SLC36A3: variants seen among roughly 807,000 people sequenced by gnomAD.
SLC36A3 encodes the protein proton-coupled amino acid transporter 3.
Under a neutral mutation model 44.3 loss-of-function variants are expected in SLC36A3, and 35 were observed. That is an observed-to-expected ratio of 0.79 (90% confidence interval 0.60 to 1.05). SLC36A3 has a LOEUF of 1.05. Ranked by LOEUF, SLC36A3 falls within the 50% of genes least tolerant of loss-of-function variation. The probability of loss-of-function intolerance (pLI) is 0.00; values close to 1 mark genes in which losing one functional copy is unlikely to be tolerated. For synonymous variants in SLC36A3, 211 were observed against 227.6 expected, an observed-to-expected ratio of 0.93 and a Z score of 0.66; for missense variants, 540 against 578.7, an observed-to-expected ratio of 0.93 and a Z score of 0.69.
intron 3 of SLC36A3, 136 bp downstream of exon 3, chr5:151,296,044 T>C (rs1754946669): frequency 1.3e-6 from 1 of 781,570 alleles, no homozygotes; most frequent in Non-Finnish European, 2.2e-6. Flanking sequence ...ATGCTCTCCT[T>C]GCCTTCATAG....
At chr5:151,288,766 T>C (rs1754644386) in intron 4 of SLC36A3, among the ~76,000 whole-genome samples, 2 of 151,514 alleles carry the variant, frequency 1.3e-5, no homozygotes, top group South Asian at 4.2e-4. Flanking sequence ...CACACACACA[T>C]ACACACGCAA....
At chr5:151,278,234 A>T (rs529090577) in intron 9 of SLC36A3, among the ~76,000 whole-genome samples, 1 of 150,952 alleles carries the variant, frequency 6.6e-6, no homozygotes, top group Admixed American at 6.6e-5. Context: ...TTATTTTTCT[A>T]TTCTTAATAG....
chr5:151,296,609 C>T (rs1187193539), intron 2 of SLC36A3: 4 of 316,270 alleles, frequency 1.3e-5, no homozygotes, highest in Non-Finnish European at 1.8e-5. Context: ...CCCTCACTTC[C>T]TCCAAGATGA....
At chr5:151,282,794 A>C (rs1754371615) in intron 8 of SLC36A3, among the ~76,000 whole-genome samples, 1 of 151,970 alleles carries the variant, frequency 6.6e-6, no homozygotes, top group African/African-American at 2.4e-5. Context: ...CTGCTTTCCC[A>C]TGTCCTTGCC....
chr5:151,288,467 G>T lies in SLC36A3; in HGVS notation c.408C>A (p.Tyr136Ter). 6.4e-7 allele frequency: 1 copy of T among 1,559,770 alleles called. No homozygotes were observed. Among genetic ancestry groups the T allele is most frequent in the East Asian group, 2.4e-5 (1 of 42,134 alleles). ...WLRAHAVWGR[Y>*]TVSFLLVITQ... Reference sequence around the variant, plus strand: ...TGATGACTAATAAGAAGCTGACAGTGTACCTGGGAAGGAAAGGAAGAGGCA... The same window carrying T: ...TGATGACTAATAAGAAGCTGACAGTTTACCTGGGAAGGAAAGGAAGAGGCA... The change falls in exon 5 of 10, where the codon TAC (tyrosine) becomes TAA (stop). Residue 136 changes from tyrosine to a stop codon, truncating the protein, a stop_gained. Coordinates refer to ENST00000335230, the MANE Select transcript of SLC36A3 (RefSeq NM_181774.4). LOFTEE classifies it high-confidence loss of function.
intron 5 of SLC36A3, among the ~76,000 whole-genome samples, chr5:151,288,134 C>G (rs543774384): frequency 6.6e-6 from 1 of 152,302 alleles, no homozygotes; most frequent in Admixed American, 6.5e-5. Flanking sequence ...TAACAATTAT[C>G]ATTGATTTCT....
At chr5:151,296,111 G>T in intron 3 of SLC36A3, 69 bp downstream of exon 3, 7 of 1,470,104 alleles carry the variant, frequency 4.8e-6, no homozygotes, top group Non-Finnish European at 6.7e-6. Context: ...TGGGTCAGTG[G>T]TCAAAAGAAG....
intron 8 of SLC36A3, among the ~76,000 whole-genome samples, chr5:151,281,551 C>T (rs569925657): frequency 6.6e-6 from 1 of 152,290 alleles, no homozygotes; most frequent in South Asian, 2.1e-4. Flanking sequence ...GGCGTGGTGG[C>T]TCACGCTTGT....
intron 4 of SLC36A3, among the ~76,000 whole-genome samples, chr5:151,290,427 T>A (rs970006464): frequency 3.3e-5 from 5 of 152,196 alleles, no homozygotes; most frequent in South Asian, 2.1e-4. Flanking sequence ...AATAATTTAA[T>A]GAATATAACG....
At position 151,281,186 on chromosome 5, in the gene SLC36A3, G is replaced by T. The variant is rs959557926; in HGVS notation, c.975-3C>A. On this transcript the variant is annotated splice_polypyrimidine_tract_variant and splice_region_variant and intron_variant, in intron 8 of 9. Coordinates refer to ENST00000335230, the MANE Select transcript of SLC36A3 (RefSeq NM_181774.4). Reference sequence around the variant, plus strand: ...TCAGCTTGACTGACTGGTACAACCTGCAGACACATGAATTGGATGTGAAAG... The same window carrying T: ...TCAGCTTGACTGACTGGTACAACCTTCAGACACATGAATTGGATGTGAAAG... 1.2e-6 allele frequency: 2 copies of T among 1,602,798 alleles called. No homozygotes were observed. Among genetic ancestry groups the T allele is most frequent in the East Asian group, 2.2e-5 (1 of 44,724 alleles).
chr5:151,300,380 G>C (rs1580828321), intron 1 of SLC36A3, among the ~76,000 whole-genome samples: 1 of 152,232 alleles, frequency 6.6e-6, no homozygotes, highest in Non-Finnish European at 1.5e-5. Context: ...GAAGTCTATT[G>C]ACCTAACTTC....
intron 4 of SLC36A3, chr5:151,288,857 A>C (rs929141580): frequency 4.6e-5 from 7 of 152,510 alleles, no homozygotes; most frequent in Admixed American, 2.0e-4. Context: ...TCAGGAGTTC[A>C]AGACCAACCT....
chr5:151,296,464 C>T, intron 2 of SLC36A3, 196 bp from the exon 3 acceptor site: 1 of 606,466 alleles, frequency 1.6e-6, no homozygotes, highest in Non-Finnish European at 3.0e-6. Flanking sequence ...AGTGGCTGCC[C>T]AACTTCTGCT....
intron 8 of SLC36A3, among the ~76,000 whole-genome samples, chr5:151,282,583 A>C (rs959560716): frequency 8.5e-5 from 13 of 152,252 alleles, no homozygotes; most frequent in Non-Finnish European, 1.9e-4. Context: ...TTTAAAAATC[A>C]GTCACCAATT....
At chr5:151,300,846 AT>A (rs1199462223) in intron 1 of SLC36A3, among the ~76,000 whole-genome samples, 1 of 152,202 alleles carries the variant, frequency 6.6e-6, no homozygotes, top group Non-Finnish European at 1.5e-5. Context: ...GGGCATCTTT[AT>A]TTGCTCTAAA....
At chr5:151,295,074 A>G (rs1382609379) in intron 3 of SLC36A3, among the ~76,000 whole-genome samples, 1 of 152,190 alleles carries the variant, frequency 6.6e-6, no homozygotes, top group Non-Finnish European at 1.5e-5. Context: ...GAGAAAAAAA[A>G]AAAATCAGAG....
At chr5:151,285,968 T>A (rs1373633348) in intron 6 of SLC36A3, among the ~76,000 whole-genome samples, 1 of 145,982 alleles carries the variant, frequency 6.9e-6, no homozygotes, top group African/African-American at 2.7e-5. Context: ...GAAAATAAAT[T>A]TGTGTTTTTT....
chr5:151,291,789 C>G (rs749302558), intron 4 of SLC36A3, among the ~76,000 whole-genome samples: 2 of 152,116 alleles, frequency 1.3e-5, no homozygotes, highest in Non-Finnish European at 2.9e-5. Flanking sequence ...TAAAGCTTCC[C>G]AGTGACCATT....
In SLC36A3 at chr5:151,288,670, C is replaced by T. The variant is rs183239774; in HGVS notation, c.405-200G>A. On this transcript the variant is annotated intron_variant, in intron 4 of 9. Transcript: ENST00000335230. The stretch of plus-strand genomic sequence containing the variant: ...TCCATGTACCCTTTAACTAAATATA[C>T]CAGTTGTTAATTTTTGGCCCCAAAT... Among the ~76,000 whole-genome samples the T allele has an allele frequency of 1.2e-3, 181 of 151,292 alleles. 1 individual carries two copies. Among genetic ancestry groups the T allele is most frequent in the African/African-American group, 4.1e-3 (168 of 41,200 alleles).
Sources: gnomAD v4.1 joint callset for allele counts (sites outside exome capture counted in the v4.1 genomes callset) on GRCh38, gnomAD v4.1.1 for gene constraint, MANE v1.5 for transcripts, NCBI Gene and HGNC (gene_info 2026-07-23, HGNC 2026-07-21) for gene names.